SLC24A2: variants seen among roughly 807,000 people sequenced by gnomAD.
The protein encoded by SLC24A2 is solute carrier family 24 member 2.
Under a neutral mutation model 62.0 loss-of-function variants are expected in SLC24A2, and 36 were observed. The observed-to-expected ratio is 0.58, with a 90% CI of 0.44 to 0.77. The LOEUF is 0.77. Among genes scored for constraint, SLC24A2 ranks in the 30% least tolerant of loss-of-function variants. The probability of loss-of-function intolerance (pLI) is 0.00; values close to 1 mark genes in which losing one functional copy is unlikely to be tolerated. For synonymous variants in SLC24A2, 358 were observed against 294.0 expected (o/e 1.22, Z -2.23); for missense variants, 846 against 817.9 (o/e 1.03, Z -0.42).
At chr9:19,901,076 T>A in the SLC24A2 span, among the ~76,000 whole-genome samples, 1 of 152,214 alleles carries the variant, frequency 6.6e-6, no homozygotes, top group African/African-American at 2.4e-5. Context: ...CACTAATTTA[T>A]TCATTTAGCC....
the SLC24A2 span, among the ~76,000 whole-genome samples, chr9:19,905,086 A>G: frequency 2.6e-5 from 4 of 152,232 alleles, no homozygotes; most frequent in Non-Finnish European, 2.9e-5. Flanking sequence ...CTCAATTAAT[A>G]GATAAAGTAC....
chr9:20,171,111 C>A, the SLC24A2 span, among the ~76,000 whole-genome samples: 4 of 151,898 alleles, frequency 2.6e-5, no homozygotes, highest in Non-Finnish European at 4.4e-5. Flanking sequence ...TTGTGTCCAG[C>A]AAAACTAAGC....
the SLC24A2 span, among the ~76,000 whole-genome samples, chr9:20,063,914 G>A: frequency 1.3e-5 from 2 of 152,130 alleles, no homozygotes; most frequent in South Asian, 4.1e-4. Flanking sequence ...ACCCAAAACA[G>A]CTTAGCAGTT....
At chr9:20,168,175 G>A in the SLC24A2 span, among the ~76,000 whole-genome samples, 1 of 152,002 alleles carries the variant, frequency 6.6e-6, no homozygotes, top group African/African-American at 2.4e-5. Context: ...TAGATAGATA[G>A]TTATAGAGGA....
At chr9:20,275,915 C>T in the SLC24A2 span, among the ~76,000 whole-genome samples, 54 of 152,206 alleles carry the variant, frequency 3.5e-4, no homozygotes, top group Middle Eastern at 3.4e-3. Context: ...TATTCACTAT[C>T]GTGAGAACAG....
chr9:19,692,925 C>T (rs977744146), intron 2 of SLC24A2, among the ~76,000 whole-genome samples: 14 of 152,116 alleles, frequency 9.2e-5, no homozygotes, highest in Admixed American at 8.5e-4. Flanking sequence ...CCAAAAAATA[C>T]ATACTTGTTA....
the SLC24A2 span, among the ~76,000 whole-genome samples, chr9:20,067,737 T>C: frequency 1.1e-4 from 17 of 152,198 alleles, no homozygotes; most frequent in Non-Finnish European, 2.9e-5. Context: ...TATGGCTGCG[T>C]AGAACTCCAC....
the SLC24A2 span, among the ~76,000 whole-genome samples, chr9:19,933,607 T>A: frequency 6.6e-6 from 1 of 152,140 alleles, no homozygotes; most frequent in African/African-American, 2.4e-5. Context: ...GACCCAGCAA[T>A]ACTACTCCTA....
the SLC24A2 span, among the ~76,000 whole-genome samples, chr9:20,276,503 G>A: frequency 1.3e-5 from 2 of 152,228 alleles, no homozygotes; most frequent in African/African-American, 4.8e-5. Flanking sequence ...CTGGCATTGA[G>A]TGTCTGTGGC....
At chr9:19,734,734 A>G (rs1176576097) in intron 2 of SLC24A2, among the ~76,000 whole-genome samples, 1 of 152,164 alleles carries the variant, frequency 6.6e-6, no homozygotes, top group African/African-American at 2.4e-5. Flanking sequence ...TTGATTTTGT[A>G]TCCCGAGACT....
chr9:20,002,428 A>G, the SLC24A2 span, among the ~76,000 whole-genome samples: 212 of 151,032 alleles, frequency 1.4e-3, 1 homozygote, highest in Non-Finnish European at 1.9e-3. Flanking sequence ...AGATAATAGC[A>G]TAACACCAGG....
At chr9:19,880,584 T>C in the SLC24A2 span, among the ~76,000 whole-genome samples, 4 of 152,142 alleles carry the variant, frequency 2.6e-5, no homozygotes, top group African/African-American at 7.2e-5. Flanking sequence ...CTTAGGATAG[T>C]AGCTACAGAA....
chr9:19,878,498 G>A, the SLC24A2 span, among the ~76,000 whole-genome samples: 1 of 152,170 alleles, frequency 6.6e-6, no homozygotes, highest in African/African-American at 2.4e-5. Context: ...CTTTTATATG[G>A]TTTAGATTCG....
At chr9:19,985,858 G>T in the SLC24A2 span, among the ~76,000 whole-genome samples, 1 of 152,090 alleles carries the variant, frequency 6.6e-6, no homozygotes, top group Non-Finnish European at 1.5e-5. Flanking sequence ...CATAGCCTTG[G>T]ATTTGGCAAC....
At chr9:20,251,708 A>G in the SLC24A2 span, among the ~76,000 whole-genome samples, 1 of 152,214 alleles carries the variant, frequency 6.6e-6, no homozygotes, top group Admixed American at 6.5e-5. Context: ...ACAAAAAAAT[A>G]TTTCTTTGAA....
the SLC24A2 span, among the ~76,000 whole-genome samples, chr9:20,051,636 T>A: frequency 6.7e-6 from 1 of 150,276 alleles, no homozygotes; most frequent in Admixed American, 6.7e-5. Flanking sequence ...TTACTGTGTT[T>A]CTGTGAGGTT....
intron 5 of SLC24A2, among the ~76,000 whole-genome samples, chr9:19,588,112 T>C (rs1457175849): frequency 1.3e-5 from 2 of 152,184 alleles, no homozygotes; most frequent in East Asian, 1.9e-4. Flanking sequence ...GAGATGCTTA[T>C]AAGAATACAT....
chr9:19,539,504 G>T (rs948244788), intron 8 of SLC24A2, among the ~76,000 whole-genome samples: 6 of 146,462 alleles, frequency 4.1e-5, no homozygotes, highest in Non-Finnish European at 6.0e-5. Context: ...TTTCCATGTA[G>T]TTGAGCGGCT....
the SLC24A2 span, among the ~76,000 whole-genome samples, chr9:20,088,654 T>A: frequency 2.0e-5 from 3 of 152,160 alleles, no homozygotes; most frequent in Non-Finnish European, 4.4e-5. Flanking sequence ...CCACAGTGAC[T>A]GGAGGTTGGA....
Sources: gnomAD v4.1 joint callset for allele counts (sites outside exome capture counted in the v4.1 genomes callset) on GRCh38, gnomAD v4.1.1 for gene constraint, MANE v1.5 for transcripts, NCBI Gene and HGNC (gene_info 2026-07-23, HGNC 2026-07-21) for gene names.